The following XPO6 variants were observed in gnomAD, a reference collection of about 807,000 sequenced individuals.
XPO6 encodes exportin-6.
A neutral mutation model predicts 130.0 loss-of-function variants in XPO6; 3 were observed. The observed-to-expected ratio is 0.02, with a 90% CI of 0.01 to 0.06. The LOEUF (loss-of-function observed/expected upper bound fraction) is 0.06, where lower values mean the gene tolerates loss of function less well. XPO6 is among the 10% of genes least tolerant of loss of function. The pLI is 1.00. For missense variants in XPO6, 970 were observed against 1,393.0 expected (o/e 0.70, Z 4.83); for synonymous variants, 524 against 548.9 (o/e 0.95, Z 0.63).
intron 1 of XPO6, among the ~76,000 whole-genome samples, chr16:28,211,069 T>C (rs1488603352): frequency 2.6e-5 from 4 of 152,134 alleles, no homozygotes; most frequent in African/African-American, 9.7e-5. Flanking sequence ...CCTTGGCAAG[T>C]AGTAAGCCCT....
rs775608821 is a variant in XPO6, at chr16:28,104,534, C to A, written c.2946+12G>T. On this transcript the variant is annotated intron_variant, in intron 21 of 23. Coordinates refer to ENST00000304658, the MANE Select transcript of XPO6 (RefSeq NM_015171.4). The stretch of plus-strand genomic sequence containing the variant: ...AGGAAGTCACCTGGCAGCAACCCCG[C>A]CCCCACGTTACCTGCATGATGGCAC... 6.2e-7 allele frequency: 1 copy of A among 1,613,842 alleles called. No homozygotes were observed. Among genetic ancestry groups the A allele is most frequent in the Non-Finnish European group, 8.5e-7 (1 of 1,179,822 alleles).
chr16:28,146,933 T>C (rs2042993566), intron 8 of XPO6, among the ~76,000 whole-genome samples: 1 of 152,032 alleles, frequency 6.6e-6, no homozygotes, highest in East Asian at 1.9e-4. Context: ...TCATGCAAAG[T>C]CCAGGCAACA....
chr16:28,103,163 T>TA (rs1318985672), intron 21 of XPO6, among the ~76,000 whole-genome samples: 1 of 152,154 alleles, frequency 6.6e-6, no homozygotes, highest in Admixed American at 6.5e-5. Context: ...CCCTCACCCC[T>TA]AAGGCAACCA....
rs1488534659 is a variant in XPO6 at position 28,104,671 on chromosome 16, G to A, written c.2821C>T (p.Leu941Phe). The change falls in exon 21 of 24, where the codon CTC (leucine) becomes TTC (phenylalanine). Residue 941 changes from leucine to phenylalanine, a missense_variant. Leu to Phe is a conservative substitution (Grantham distance 22). Coordinates refer to ENST00000304658, the MANE Select transcript of XPO6 (RefSeq NM_015171.4). Reference protein sequence around the residue: ...SPDVKAELFELLFRTLHHNWR... With the variant: ...SPDVKAELFEFLFRTLHHNWR... The stretch of plus-strand genomic sequence containing the variant: ...TTGTGATGGAGCGTCCGGAAAAGGA[G>A]CTCAAACAGCTCGGCCTTCACATCA... 1.9e-6 allele frequency: 3 copies of A among 1,614,038 alleles called. No individual in the cohort carries two copies. The African/African-American group carries it at 4.0e-5, about 22-fold the overall frequency.
At chr16:28,113,948 G>A (rs1030969198) in intron 15 of XPO6, among the ~76,000 whole-genome samples, 1 of 152,012 alleles carries the variant, frequency 6.6e-6, no homozygotes, top group African/African-American at 2.4e-5. Context: ...ACAATACACT[G>A]TTTAAAAATG....
chr16:28,156,124 C>T lies in XPO6; in HGVS notation c.1047G>A (p.Lys349=). The part of the protein sequence containing the change: ...QTFYLLQKIT[K]DNNAHTVKSR... ...TCTTCACTGTGTGGGCATTGTTATCCTTGGTGATTTTCTGCAGGAGGTAGA... is the reference window on the plus strand; with the variant it reads ...TCTTCACTGTGTGGGCATTGTTATCTTTGGTGATTTTCTGCAGGAGGTAGA... The change falls in exon 7 of 24, where the codon AAG becomes AAA. Residue 349 remains lysine (K), a synonymous_variant. Transcript: ENST00000304658. 6.2e-7 allele frequency: 1 copy of T among 1,613,638 alleles called. No homozygotes were observed. Among genetic ancestry groups the T allele is most frequent in the Non-Finnish European group, 8.5e-7 (1 of 1,179,710 alleles).
intron 5 of XPO6, chr16:28,167,345 C>T: frequency 1.0e-6 from 1 of 985,420 alleles, no homozygotes; most frequent in Non-Finnish European, 1.2e-6. Context: ...ATGCAGGAAA[C>T]AGGCTGGAAA....
intron 4 of XPO6, among the ~76,000 whole-genome samples, chr16:28,175,696 A>G (rs8062428): frequency 0.059 from 8,936 of 152,248 alleles, 658 homozygotes; most frequent in East Asian, 0.17. Context: ...AAAGAGATTA[A>G]GTTTTTCTCC....
chr16:28,133,797 C>A (rs2042722226), intron 11 of XPO6, 44 bp downstream of exon 11: 3 of 1,593,726 alleles, frequency 1.9e-6, no homozygotes, highest in Non-Finnish European at 2.6e-6. Context: ...GCTCTGTGTA[C>A]AGAGAAATCG....
At chr16:28,139,156 C>T (rs573392429) in intron 9 of XPO6, among the ~76,000 whole-genome samples, 1 of 152,238 alleles carries the variant, frequency 6.6e-6, no homozygotes, top group East Asian at 1.9e-4. Context: ...AAGAGTAGGG[C>T]CTTAATCCAA....
chr16:28,186,067 C>G (rs9923597), intron 1 of XPO6, among the ~76,000 whole-genome samples: 1 of 152,036 alleles, frequency 6.6e-6, no homozygotes, highest in Non-Finnish European at 1.5e-5. Context: ...CCACCAAGAC[C>G]CATAATCACC....
In XPO6 at chr16:28,135,267, T is replaced by C. The variant is rs1344540188; in HGVS notation, c.1392A>G (p.Arg464=). 6.2e-7 allele frequency: 1 copy of C among 1,614,066 alleles called. No homozygotes were observed. The highest frequency in any genetic ancestry group is 2.2e-5 in the East Asian group (1 of 44,884). ...ACTCCTCCAGCTGGGCTTGGTTGTA[T>C]CTGAACTGGATTCGATTCAACACCT... ...LTEVLNRIQF[R]YNQAQLEELD... The change falls in exon 10 of 24, where the codon AGA becomes AGG. Residue 464 remains arginine (R), a synonymous_variant. Transcript: ENST00000304658.
chr16:28,143,048 G>T (rs1490543696), intron 9 of XPO6, among the ~76,000 whole-genome samples: 1 of 152,292 alleles, frequency 6.6e-6, no homozygotes, highest in East Asian at 1.9e-4. Context: ...GGCATTATAT[G>T]AAAGTGTTAT....
intron 6 of XPO6, 72 bp from the exon 7 acceptor site, chr16:28,156,599 C>CAAA (rs34751450): frequency 6.7e-5 from 62 of 923,616 alleles, no homozygotes; most frequent in Non-Finnish European, 7.2e-5. Context: ...AATTCTCCTT[C>CAAA]AAAAAAATAT....
At chr16:28,144,417 A>G (rs1245644882) in intron 9 of XPO6, among the ~76,000 whole-genome samples, 2 of 152,218 alleles carry the variant, frequency 1.3e-5, no homozygotes, top group African/African-American at 4.8e-5. Context: ...TGGTACCAAG[A>G]GACACAAGGA....
intron 1 of XPO6, among the ~76,000 whole-genome samples, chr16:28,188,041 T>A (rs1341321856): frequency 6.6e-6 from 1 of 152,162 alleles, no homozygotes; most frequent in East Asian, 1.9e-4. Context: ...CCTAATGGCC[T>A]CTAAAACAAC....
chr16:28,176,156 A>T, intron 3 of XPO6, 61 bp from the exon 4 acceptor site: 1 of 1,506,074 alleles, frequency 6.6e-7, no homozygotes, highest in South Asian at 1.2e-5. Flanking sequence ...ACTGCTTTTC[A>T]TCCCACAGGT....
At chr16:28,139,731 G>A (rs1423118266) in intron 9 of XPO6, among the ~76,000 whole-genome samples, 1 of 152,002 alleles carries the variant, frequency 6.6e-6, no homozygotes, top group Non-Finnish European at 1.5e-5. Context: ...AATACCCAGA[G>A]CAACCACCAA....
intron 1 of XPO6, among the ~76,000 whole-genome samples, chr16:28,202,069 G>A (rs2043962382): frequency 1.3e-5 from 2 of 152,248 alleles, no homozygotes; most frequent in Admixed American, 6.5e-5. Context: ...CGCTAGAGCA[G>A]AGGGAACAGC....
Sources: allele counts gnomAD v4.1 joint callset (sites outside exome capture counted in the v4.1 genomes callset), GRCh38; gene constraint gnomAD v4.1.1; transcripts MANE v1.5; gene names NCBI Gene and HGNC (gene_info 2026-07-23, HGNC 2026-07-21).